The following PKHD1 variants were observed in gnomAD, a reference collection of about 807,000 sequenced individuals.
PKHD1 encodes PKHD1 ciliary IPT domain containing fibrocystin/polyductin.
PKHD1 carries 291 observed loss-of-function variants against 412.0 expected under a neutral mutation model. That is an observed-to-expected ratio of 0.71 (90% CI 0.64 to 0.78). PKHD1 has a LOEUF of 0.78. Among genes scored for constraint, PKHD1 ranks in the 30% least tolerant of loss-of-function variants. The pLI, the probability that PKHD1 is intolerant of heterozygous loss-of-function variation, is 0.00. For missense variants in PKHD1, 4,825 were observed against 4,950.7 expected (o/e 0.97, Z 0.76); for synonymous variants, 1,777 against 1,821.5 (o/e 0.98, Z 0.62).
Position 51,619,064 on chromosome 6 carries a change from G to A in PKHD1, c.*17C>T, listed in dbSNP as rs1766282518. ...GAACATTCTGCCTTTCAGGCCAAAT[G>A]CCCCCAACTTCCCTGATCACAGTTG... On this transcript the variant is annotated 3_prime_UTR_variant, in exon 67 of 67. Coordinates refer to ENST00000371117, the MANE Select transcript of PKHD1 (RefSeq NM_138694.4). The A allele has an allele frequency of 6.2e-7, 1 of 1,611,736 alleles. No homozygotes were observed. Among genetic ancestry groups the A allele is most frequent in the East Asian group, 2.2e-5 (1 of 44,882 alleles).
chr6:51,676,048 A>G (rs1382862841), intron 60 of PKHD1, among the ~76,000 whole-genome samples: 1 of 152,040 alleles, frequency 6.6e-6, no homozygotes, highest in African/African-American at 2.4e-5. Context: ...CTGGTGGCAG[A>G]GGAGGAGGAA....
chr6:51,873,915 A>G (rs1217705212), intron 46 of PKHD1, among the ~76,000 whole-genome samples: 1 of 152,226 alleles, frequency 6.6e-6, no homozygotes, highest in East Asian at 1.9e-4. Context: ...GCAAAATAAG[A>G]TGGTAGAAAT....
chr6:51,782,039 T>C (rs1395692730), intron 53 of PKHD1, among the ~76,000 whole-genome samples: 1 of 96,648 alleles, frequency 1.0e-5, no homozygotes, highest in Non-Finnish European at 2.4e-5. Flanking sequence ...TTAAATAGTT[T>C]ATAATAAATT....
chr6:51,697,711 T>C (rs545333227), intron 60 of PKHD1, among the ~76,000 whole-genome samples: 26 of 152,348 alleles, frequency 1.7e-4, no homozygotes, highest in South Asian at 1.0e-3. Flanking sequence ...ACCCTGTTCT[T>C]AGGTTTCTTA....
Position 52,017,632 on chromosome 6 carries a change from G to T in PKHD1, c.5381-3C>A, listed in dbSNP as rs1164221239. The T allele has an allele frequency of 6.2e-7, 1 of 1,609,996 alleles. No individual in the cohort carries two copies. Among genetic ancestry groups the T allele is most frequent in the Non-Finnish European group, 8.5e-7 (1 of 1,177,214 alleles). On this transcript the variant is annotated splice_region_variant and splice_polypyrimidine_tract_variant and intron_variant, in intron 33 of 66. Transcript: ENST00000371117. Reference sequence around the variant, plus strand: ...GCCACACAGGAAGGCCAAGGACACTGCAGGAAACAGTCACCATTAGGAAAG... The same window carrying T: ...GCCACACAGGAAGGCCAAGGACACTTCAGGAAACAGTCACCATTAGGAAAG...
At chr6:51,970,483 T>C (rs1001456096) in intron 35 of PKHD1, among the ~76,000 whole-genome samples, 1 of 152,250 alleles carries the variant, frequency 6.6e-6, no homozygotes, top group African/African-American at 2.4e-5. Flanking sequence ...TTTTTGGTTT[T>C]GTTGCATTTG....
At chr6:52,022,665 T>C (rs1216763661) in intron 33 of PKHD1, 136 bp downstream of exon 33, 2 of 822,646 alleles carry the variant, frequency 2.4e-6, no homozygotes, top group Admixed American at 4.1e-5. Context: ...AGATGAGGAG[T>C]AGAGAAATTC....
In PKHD1 at chr6:51,726,238, C is replaced by T. The variant is rs116289232; in HGVS notation, c.10156+18147G>A. On this transcript the variant is annotated intron_variant, in intron 60 of 66. Coordinates refer to ENST00000371117, the MANE Select transcript of PKHD1 (RefSeq NM_138694.4). Reference sequence around the variant, plus strand: ...ACAGGAGTTTCTAATGCTTAAATTCCGGTTCCATTAACTCAGGGGCAATTG... The same window carrying T: ...ACAGGAGTTTCTAATGCTTAAATTCTGGTTCCATTAACTCAGGGGCAATTG... Among the ~76,000 whole-genome samples the T allele has an allele frequency of 9.4e-3, 1,431 of 152,232 alleles. 20 individuals are homozygous for T. The highest frequency in any genetic ancestry group is 0.033 in the African/African-American group (1,350 of 41,532).
At chr6:51,766,552 A>T (rs1466254515) in intron 55 of PKHD1, among the ~76,000 whole-genome samples, 1 of 151,882 alleles carries the variant, frequency 6.6e-6, no homozygotes, top group African/African-American at 2.4e-5. Flanking sequence ...TTTATTAGCA[A>T]GATGTATTTT....
At chr6:51,843,032 C>G (rs1384894582) in intron 50 of PKHD1, among the ~76,000 whole-genome samples, 1 of 152,226 alleles carries the variant, frequency 6.6e-6, no homozygotes, top group Non-Finnish European at 1.5e-5. Context: ...TTGGACCAAG[C>G]AAACATCCTT....
At chr6:51,882,473 A>G (rs1777528386) in intron 46 of PKHD1, among the ~76,000 whole-genome samples, 1 of 152,242 alleles carries the variant, frequency 6.6e-6, no homozygotes, top group Admixed American at 6.5e-5. Context: ...AGCACTCAGG[A>G]ACAAACTGAA....
chr6:51,817,226 T>G (rs892018615), intron 52 of PKHD1, among the ~76,000 whole-genome samples: 4 of 152,196 alleles, frequency 2.6e-5, no homozygotes, highest in Non-Finnish European at 5.9e-5. Flanking sequence ...ATAAGGTATG[T>G]GCCTCTATTT....
At chr6:51,846,499 G>A (rs549833779) in intron 50 of PKHD1, among the ~76,000 whole-genome samples, 1 of 152,258 alleles carries the variant, frequency 6.6e-6, no homozygotes, top group South Asian at 2.1e-4. Context: ...CCTTTTTACT[G>A]TAAGAAGTGG....
At chr6:51,810,258 A>G (rs1764499665) in intron 52 of PKHD1, among the ~76,000 whole-genome samples, 1 of 152,138 alleles carries the variant, frequency 6.6e-6, no homozygotes. Flanking sequence ...TCTAATGGGA[A>G]GCAGATGAGT....
In PKHD1 at chr6:51,754,824, G is replaced by A. The variant is rs2151020553; in HGVS notation, c.8757C>T (p.His2919=). 2 of 1,613,608 alleles carry A rather than the reference G, an allele frequency of 1.2e-6. No individual in the cohort carries two copies. Among genetic ancestry groups the A allele is most frequent in the Non-Finnish European group, 1.7e-6 (2 of 1,179,654 alleles). The part of the protein sequence containing the change: ...EVLTVKEVKG[H]HVRIYERLKH... ...TGAGCCGTTCATAGATCCTCACATG[G>A]TGGCCCTTGACTTCTTTCACAGTGA... is the stretch of plus-strand genomic sequence containing the variant. The change falls in exon 56 of 67, where the codon CAC becomes CAT. Residue 2919 remains histidine, a synonymous_variant. Coordinates refer to ENST00000371117, the MANE Select transcript of PKHD1 (RefSeq NM_138694.4).
intron 43 of PKHD1, among the ~76,000 whole-genome samples, chr6:51,899,285 G>A (rs1345769266): frequency 6.6e-6 from 1 of 151,528 alleles, no homozygotes; most frequent in Non-Finnish European, 1.5e-5. Flanking sequence ...CTGGCAAAAC[G>A]AATCCAGCAG....
intron 26 of PKHD1, among the ~76,000 whole-genome samples, 184 bp from the exon 27 acceptor site, chr6:52,043,318 G>A (rs1001108310): frequency 3.3e-5 from 5 of 152,170 alleles, no homozygotes; most frequent in East Asian, 1.9e-4. Context: ...ACACAGCCCC[G>A]ATCTTAAATT....
intron 65 of PKHD1, among the ~76,000 whole-genome samples, chr6:51,627,448 T>A (rs1016452388): frequency 2.6e-5 from 4 of 152,056 alleles, no homozygotes; most frequent in African/African-American, 9.7e-5. Flanking sequence ...AATGTTTTTA[T>A]ATTCATTACA....
intron 60 of PKHD1, among the ~76,000 whole-genome samples, chr6:51,676,507 G>A (rs1775877817): frequency 6.6e-6 from 1 of 152,092 alleles, no homozygotes; most frequent in African/African-American, 2.4e-5. Flanking sequence ...ATGGTAAAGT[G>A]TAGGAGATTT....
Sources: gnomAD v4.1 joint callset for allele counts (sites outside exome capture counted in the v4.1 genomes callset) on GRCh38, gnomAD v4.1.1 for gene constraint, MANE v1.5 for transcripts, NCBI Gene and HGNC (gene_info 2026-07-23, HGNC 2026-07-21) for gene names.